Variants in SHANK2 observed in about 807,000 individuals in gnomAD.
SHANK2 encodes the protein SH3 and multiple ankyrin repeat domains protein 2.
A neutral mutation model predicts 133.7 loss-of-function variants in SHANK2; 43 were observed. The ratio of observed to expected loss-of-function variants is 0.32; its 90% confidence interval spans 0.25 to 0.41. The LOEUF (loss-of-function observed/expected upper bound fraction) is 0.41, where lower values mean the gene tolerates loss of function less well. Ranked by LOEUF, SHANK2 falls within the 10% of genes least tolerant of loss-of-function variation. SHANK2 has a pLI of 1.00. For synonymous variants in SHANK2, 1,017 were observed against 952.8 expected (o/e 1.07, Z -1.24); for missense variants, 1,994 against 2,235.8 (o/e 0.89, Z 2.18).
rs1555153504 is a variant in SHANK2 at position 70,486,329 on chromosome 11, T to C, written c.3964A>G (p.Thr1322Ala). Residue 1322 changes from threonine (T) to alanine (A), a missense_variant, in exon 25 of 26, where the codon ACT becomes GCT. Physicochemically the swap from Thr to Ala is moderately conservative, Grantham distance 58. Transcript: ENST00000601538. This position sits in a 1 kb window ranked among gnomAD's most constrained non-coding sequence, Gnocchi z 8.0. ...GLLMVHTVDA[T>A]KLDNALQEED... Reference sequence around the variant, plus strand: ...TCCTGCAGGGCGTTGTCCAGCTTAGTGGCGTCCACGGTGTGCACCATCAGC... The same window carrying C: ...TCCTGCAGGGCGTTGTCCAGCTTAGCGGCGTCCACGGTGTGCACCATCAGC... The C allele has an allele frequency of 6.2e-7, 1 of 1,613,844 alleles. No individual in the cohort carries two copies. The highest frequency in any genetic ancestry group is 1.3e-5 in the African/African-American group (1 of 74,920).
chr11:71,222,106 T>C (rs1374655837), intron 2 of SHANK2, among the ~76,000 whole-genome samples: 2 of 151,642 alleles, frequency 1.3e-5, no homozygotes, highest in Non-Finnish European at 2.9e-5. Flanking sequence ...ATCATCGACA[T>C]CCCCAAGAGG....
intron 14 of SHANK2, among the ~76,000 whole-genome samples, chr11:70,702,331 TCA>T (rs1945549491): frequency 2.9e-5 from 4 of 138,762 alleles, no homozygotes; most frequent in Non-Finnish European, 4.7e-5. Flanking sequence ...ATCACCATCA[TCA>T]TCACCAACAC....
At chr11:71,087,300 G>A (rs1171506266) in intron 8 of SHANK2, among the ~76,000 whole-genome samples, 1 of 152,182 alleles carries the variant, frequency 6.6e-6, no homozygotes, top group Admixed American at 6.5e-5. Flanking sequence ...TGGGCCCGGA[G>A]ACATTTGCCT....
chr11:70,841,941 A>G (rs1590747306), intron 11 of SHANK2, among the ~76,000 whole-genome samples: 1 of 151,968 alleles, frequency 6.6e-6, no homozygotes, highest in East Asian at 1.9e-4. Context: ...CTCCCAAACC[A>G]TCCTTTACAC....
chr11:70,689,294 A>G (rs1242428802), intron 15 of SHANK2, among the ~76,000 whole-genome samples: 1 of 152,232 alleles, frequency 6.6e-6, no homozygotes, highest in Non-Finnish European at 1.5e-5. Flanking sequence ...AATCTTGAGA[A>G]AGAATAAGTG....
At chr11:70,719,226 G>A (rs1002037706) in intron 14 of SHANK2, among the ~76,000 whole-genome samples, 13 of 152,176 alleles carry the variant, frequency 8.5e-5, no homozygotes, top group Non-Finnish European at 7.3e-5. Flanking sequence ...ACTTTGTGAC[G>A]GTTCAAATAG....
At chr11:71,070,791 G>A (rs1447723424) in intron 9 of SHANK2, among the ~76,000 whole-genome samples, 10 of 152,250 alleles carry the variant, frequency 6.6e-5, no homozygotes, top group Admixed American at 2.6e-4. Context: ...CATGCGACAC[G>A]CAAAGCCTAA....
intron 14 of SHANK2, chr11:70,705,376 T>A (rs1412868157): frequency 1.3e-5 from 2 of 152,152 alleles, no homozygotes; most frequent in African/African-American, 4.8e-5. Flanking sequence ...AGAGATGGGT[T>A]TCTGTCACCA....
chr11:71,157,165 G>A (rs746279213), intron 2 of SHANK2, among the ~76,000 whole-genome samples: 7 of 152,098 alleles, frequency 4.6e-5, no homozygotes, highest in Non-Finnish European at 8.8e-5. Flanking sequence ...CTGACAGCAG[G>A]AACTCTGCAA....
intron 23 of SHANK2, 73 bp from the exon 24 acceptor site, chr11:70,489,421 G>T: frequency 6.7e-7 from 1 of 1,482,044 alleles, no homozygotes; most frequent in Non-Finnish European, 9.4e-7. Flanking sequence ...GAGTTTGCTG[G>T]TGCAGGGGGA....
At chr11:71,194,167 G>A (rs972763792) in intron 2 of SHANK2, among the ~76,000 whole-genome samples, 9 of 152,186 alleles carry the variant, frequency 5.9e-5, no homozygotes, top group East Asian at 1.9e-4. Flanking sequence ...GCAGGTATTC[G>A]GGTAACCCAG....
intron 14 of SHANK2, among the ~76,000 whole-genome samples, chr11:70,744,247 C>T (rs1237397951): frequency 3.3e-5 from 5 of 152,258 alleles, no homozygotes; most frequent in African/African-American, 1.2e-4. Context: ...CTGGCCTCCC[C>T]CAGGAAGCTC....
intron 7 of SHANK2, 56 bp downstream of exon 7, chr11:71,094,481 A>C: frequency 1.3e-6 from 2 of 1,508,934 alleles, no homozygotes; most frequent in Admixed American, 4.0e-5. Context: ...GGGATGGGGC[A>C]GCCGCACGGA....
chr11:70,614,080 G>A lies in SHANK2; in HGVS notation c.2061+45748C>T, dbSNP rs906003446. Among the ~76,000 whole-genome samples the A allele has an allele frequency of 5.1e-4, 78 of 152,112 alleles. 1 individual carries two copies. The highest frequency in any genetic ancestry group is 1.5e-3 in the African/African-American group (64 of 41,498). ...GCGCCCAACCAGAAGAGGGGAATTT[G>A]GACACAGACACACAGGGAGCCCACC... On this transcript the variant is annotated intron_variant, in intron 17 of 25. Coordinates refer to ENST00000601538, the MANE Select transcript of SHANK2 (RefSeq NM_012309.5).
chr11:71,222,035 G>A (rs896541896), intron 2 of SHANK2, among the ~76,000 whole-genome samples: 23 of 152,056 alleles, frequency 1.5e-4, no homozygotes, highest in Non-Finnish European at 2.8e-4. Flanking sequence ...GAGCATGGCC[G>A]GGTTGGTGAT....
chr11:71,239,604 G>A (rs1185508773), intron 1 of SHANK2, among the ~76,000 whole-genome samples: 3 of 152,060 alleles, frequency 2.0e-5, no homozygotes, highest in African/African-American at 4.8e-5. Flanking sequence ...GGGACTACAG[G>A]CACACACCAC....
At chr11:70,719,354 C>T (rs945457298) in intron 14 of SHANK2, among the ~76,000 whole-genome samples, 1 of 152,218 alleles carries the variant, frequency 6.6e-6, no homozygotes, top group East Asian at 1.9e-4. Flanking sequence ...CTGTGCCCAC[C>T]CACTATCCAT....
chr11:70,668,139 C>G (rs782070036), intron 15 of SHANK2: 1 of 152,012 alleles, frequency 6.6e-6, no homozygotes, highest in Non-Finnish European at 1.5e-5. Context: ...AATGGTGACT[C>G]AACCCACCCA....
At chr11:71,110,893 G>A (rs1170725053) in intron 5 of SHANK2, among the ~76,000 whole-genome samples, 1 of 152,238 alleles carries the variant, frequency 6.6e-6, no homozygotes, top group Non-Finnish European at 1.5e-5. Flanking sequence ...TGAGGCCTTT[G>A]GGAGGTGACG....
Sources: gnomAD v4.1 joint callset for allele counts (sites outside exome capture counted in the v4.1 genomes callset) on GRCh38, gnomAD v4.1.1 for gene constraint, Gnocchi (gnomAD v3.1) non-coding constraint, MANE v1.5 for transcripts, NCBI Gene and HGNC (gene_info 2026-07-23, HGNC 2026-07-21) for gene names.